The following ADAM7 variants were observed in gnomAD, a reference collection of about 807,000 sequenced individuals.
The protein encoded by ADAM7 is ADAM metallopeptidase domain 7.
ADAM7 carries 97 observed loss-of-function variants against 102.9 expected under a neutral mutation model. The observed-to-expected ratio is 0.94, with a 90% CI of 0.80 to 1.12. ADAM7 has a LOEUF of 1.12. ADAM7 is among the 50% of genes most tolerant of loss of function. The pLI, the probability that ADAM7 is intolerant of heterozygous loss-of-function variation, is 0.00. For synonymous variants in ADAM7, 334 were observed against 304.4 expected (o/e 1.10, Z -1.01); for missense variants, 991 against 908.7 (o/e 1.09, Z -1.16).
intron 16 of ADAM7, among the ~76,000 whole-genome samples, chr8:24,495,220 G>T (rs777128710): frequency 6.6e-6 from 1 of 152,106 alleles, no homozygotes; most frequent in African/African-American, 2.4e-5. Flanking sequence ...AGAGTATCCA[G>T]AATACAAATG....
In ADAM7 at chr8:24,485,333, T is replaced by C. The variant is rs1820104267; in HGVS notation, c.932T>C (p.Leu311Pro). 1 of 1,613,628 alleles carries C rather than the reference T, an allele frequency of 6.2e-7. No individual in the cohort carries two copies. The highest frequency in any genetic ancestry group is 1.1e-5 in the South Asian group (1 of 91,050). Residue 311 changes from leucine (L) to proline (P), a missense_variant, in exon 10 of 22, where the codon CTG (leucine) becomes CCG (proline). By Grantham distance (98) the Leu-to-Pro change is moderately conservative. Transcript: ENST00000175238. ...QGISYPGGMC[L>P]PYYSTSIIKD... ...ATTTCTTATCCAGGGGGTATGTGCC[T>C]GCCCTATTATTCCACCAGTATCATT...
At chr8:24,446,535 A>G (rs2129372791) in intron 2 of ADAM7, among the ~76,000 whole-genome samples, 1 of 152,252 alleles carries the variant, frequency 6.6e-6, no homozygotes, top group Non-Finnish European at 1.5e-5. Flanking sequence ...ACGACAGGGA[A>G]TACCCCAAAC....
At chr8:24,474,215 A>C (rs567987563) in intron 7 of ADAM7, among the ~76,000 whole-genome samples, 266 of 152,288 alleles carry the variant, frequency 1.7e-3, no homozygotes, top group Non-Finnish European at 3.2e-3. Context: ...CTATGAACAA[A>C]ATTTTAAATC....
At chr8:24,506,126 T>G (rs888548136) in intron 20 of ADAM7, 1 of 1,550,294 alleles carries the variant, frequency 6.5e-7, no homozygotes, top group East Asian at 2.4e-5. Context: ...GCCTGCCCAC[T>G]AGTTTTTCAA....
intron 12 of ADAM7, 85 bp from the exon 13 acceptor site, chr8:24,490,714 T>C (rs971943013): frequency 2.2e-6 from 3 of 1,339,710 alleles, no homozygotes; most frequent in Admixed American, 3.7e-5. Context: ...TCTATCAGAA[T>C]CCACAGAAGC....
chr8:24,502,934 A>T (rs949079797), intron 20 of ADAM7, among the ~76,000 whole-genome samples: 1 of 152,098 alleles, frequency 6.6e-6, no homozygotes, highest in Non-Finnish European at 1.5e-5. Context: ...AGCACTACTA[A>T]CTAATACACT....
intron 4 of ADAM7, 92 bp from the exon 5 acceptor site, chr8:24,465,607 T>C (rs1304775594): frequency 1.5e-6 from 1 of 659,068 alleles, no homozygotes; most frequent in East Asian, 3.3e-5. Context: ...AAATAAAACA[T>C]TGATATATTC....
rs1156734297 is a variant in ADAM7, at chr8:24,499,312, A to G, written c.1919A>G (p.Asn640Ser). ...STNCPSQCNE[N>S]PVDGHGLQCH... ...AATTGCCCCTCTCAGTGCAATGAAAATCCTGTAAGATATGACTGCTTTCAA... is the reference window on the plus strand; with the variant it reads ...AATTGCCCCTCTCAGTGCAATGAAAGTCCTGTAAGATATGACTGCTTTCAA... The change falls in exon 17 of 22, where the codon AAT becomes AGT. Residue 640 changes from asparagine to serine, a missense_variant. Coordinates refer to ENST00000175238, the MANE Select transcript of ADAM7 (RefSeq NM_003817.4). 1.3e-6 allele frequency: 2 copies of G among 1,596,714 alleles called. No individual in the cohort carries two copies. Among genetic ancestry groups the G allele is most frequent in the Admixed American group, 3.5e-5 (2 of 57,368 alleles).
Position 24,496,140 on chromosome 8 carries a change from G to A in ADAM7, c.1842+2911G>A, listed in dbSNP as rs546776375. On this transcript the variant is annotated intron_variant, in intron 16 of 21. Transcript: ENST00000175238. ...CCAGCTGGGACTAAAAGGCTCCAAG[G>A]TACAGCTTGGGCTGTTGCTTCAGAG... Among the ~76,000 whole-genome samples, 31 of 152,328 alleles carry A rather than the reference G, an allele frequency of 2.0e-4. 1 individual carries two copies. The East Asian group carries it at 5.2e-3, about 26-fold the overall frequency.
At chr8:24,444,912 C>T (rs1480926212) in intron 2 of ADAM7, among the ~76,000 whole-genome samples, 1 of 152,108 alleles carries the variant, frequency 6.6e-6, no homozygotes, top group Non-Finnish European at 1.5e-5. Context: ...TGCTAATAAA[C>T]AGGGAAACCT....
intron 10 of ADAM7, among the ~76,000 whole-genome samples, chr8:24,485,600 A>G (rs1820115865): frequency 6.6e-6 from 1 of 152,218 alleles, no homozygotes; most frequent in South Asian, 2.1e-4. Flanking sequence ...TATACCACAG[A>G]TCAGCATGCA....
At chr8:24,487,461 A>C in intron 11 of ADAM7, 144 bp downstream of exon 11, 1 of 984,506 alleles carries the variant, frequency 1.0e-6, no homozygotes, top group Non-Finnish European at 1.4e-6. Context: ...AGCCTGGCCA[A>C]CATGGAGAAA....
intron 20 of ADAM7, chr8:24,506,206 A>G (rs766344609): frequency 7.4e-7 from 1 of 1,359,712 alleles, no homozygotes; most frequent in South Asian, 1.3e-5. Flanking sequence ...CCTTTCCAAT[A>G]ATAATTTTCA....
chr8:24,486,421 G>A (rs1820147038), intron 10 of ADAM7, among the ~76,000 whole-genome samples: 1 of 152,170 alleles, frequency 6.6e-6, no homozygotes, highest in African/African-American at 2.4e-5. Context: ...TGCAATGTGA[G>A]ACTATAAGCT....
chr8:24,464,065 T>A (rs781280552), intron 4 of ADAM7, 105 bp downstream of exon 4: 94 of 976,154 alleles, frequency 9.6e-5, no homozygotes, highest in Admixed American at 4.0e-4. Context: ...AAGTACTACA[T>A]CAGAAATAAG....
intron 13 of ADAM7, among the ~76,000 whole-genome samples, chr8:24,491,380 T>C (rs1053323289): frequency 7.2e-5 from 11 of 152,226 alleles, no homozygotes; most frequent in South Asian, 4.1e-4. Context: ...ACATATCTTA[T>C]GCATCTTCAA....
intron 7 of ADAM7, among the ~76,000 whole-genome samples, chr8:24,474,483 CTTTA>C (rs1823328454): frequency 6.6e-6 from 1 of 152,068 alleles, no homozygotes; most frequent in African/African-American, 2.4e-5. Flanking sequence ...TTAAGGTTTT[CTTTA>C]TTTAGAGAAG....
intron 9 of ADAM7, among the ~76,000 whole-genome samples, chr8:24,484,134 G>C (rs1413619912): frequency 6.6e-6 from 1 of 152,114 alleles, no homozygotes; most frequent in African/African-American, 2.4e-5. Context: ...CATACATGTG[G>C]TTTTCTCAAT....
chr8:24,468,956 A>T, intron 7 of ADAM7, 136 bp downstream of exon 7: 2 of 754,184 alleles, frequency 2.7e-6, no homozygotes, highest in South Asian at 4.5e-5. Context: ...TTCCCAAAAC[A>T]GACATACATA....
Sources: allele counts gnomAD v4.1 joint callset (sites outside exome capture counted in the v4.1 genomes callset), GRCh38; gene constraint gnomAD v4.1.1; transcripts MANE v1.5; gene names NCBI Gene and HGNC (gene_info 2026-07-23, HGNC 2026-07-21).